Variants in C12orf76 observed in about 807,000 individuals in gnomAD.
The protein encoded by C12orf76 is chromosome 12 open reading frame 76, also known as uncharacterized protein C12orf76.
C12orf76 carries 6 observed loss-of-function variants against 6.8 expected under a neutral mutation model. The ratio of observed to expected loss-of-function variants is 0.88; its 90% CI spans 0.48 to 1.73. C12orf76 has a LOEUF of 1.73. Among genes scored for constraint, C12orf76 ranks in the 40% most tolerant of loss-of-function variants. C12orf76 has a pLI of 0.01. For synonymous variants in C12orf76, 56 were observed against 43.7 expected, an observed-to-expected ratio of 1.28 and a Z score of -1.11; for missense variants, 99 against 98.2, an observed-to-expected ratio of 1.01 and a Z score of -0.03.
rs908252070 is a variant in C12orf76, at chr12:110,048,396, G to C, written c.100C>G (p.Arg34Gly). The C allele has an allele frequency of 1.4e-5, 21 of 1,515,322 alleles. No individual in the cohort carries two copies. The highest frequency in any genetic ancestry group is 1.7e-5 in the Non-Finnish European group (19 of 1,136,884). 93.9% of individuals were successfully genotyped at this position (1,515,322 alleles called of 1,614,324 possible). ...TGCCCTCGCAGCACCGCGTACGGCC[G>C]GCTCCGCTCCAGCGGATCCACGGGG... is the stretch of plus-strand genomic sequence containing the variant. The part of the protein sequence containing the change: ...PSPVDPLERS[R>G]PYAVLRGQNL... The change falls in exon 1 of 2, where the codon CGG becomes GGG. Residue 34 changes from arginine (R) to glycine (G), a missense_variant. Physicochemically the swap from Arg to Gly is moderately radical, Grantham distance 125. Transcript: ENST00000615315.
At chr12:110,061,687 C>T (rs973493865) in intron 2 of C12orf76, among the ~76,000 whole-genome samples, 2 of 152,014 alleles carry the variant, frequency 1.3e-5, no homozygotes, top group African/African-American at 4.8e-5. Context: ...CAGGCATCTG[C>T]CCCCACGCTC....
At chr12:110,063,889 A>G (rs1437991981) in intron 2 of C12orf76, among the ~76,000 whole-genome samples, 1 of 152,104 alleles carries the variant, frequency 6.6e-6, no homozygotes, top group Non-Finnish European at 1.5e-5. Context: ...CCTGGGCAAC[A>G]TAGCAAGACT....
chr12:110,066,367 T>TAAAAAA lies in C12orf76; in HGVS notation n.207-340_207-335dup, dbSNP rs71079598. ...CTAGGTGACAAAGCAAGACTCCATC[T>TAAAAAA]AAAAAAAAAAAAAAAAAAAAAAAAA... On this transcript the variant is annotated intron_variant and non_coding_transcript_variant, in intron 1 of 4. Transcript: ENST00000309050. Among the ~76,000 whole-genome samples, 2 of 15,334 alleles carry TAAAAAA rather than the reference T, an allele frequency of 1.3e-4. 1 individual carries two copies. The highest frequency in any genetic ancestry group is 5.4e-4 in the African/African-American group (2 of 3,690). 10.1% of individuals were successfully genotyped at this position (15,334 alleles called of 152,430 possible). A position where few individuals can be genotyped will look rare whatever the true frequency, so the allele number is the denominator to read the frequency against.
chr12:110,068,332 G>GAAGAAGA (rs1566080359), upstream of C12orf76, among the ~76,000 whole-genome samples: 14 of 108,256 alleles, frequency 1.3e-4, no homozygotes, highest in East Asian at 4.8e-4. Flanking sequence ...GAAGAAGAAG[G>GAAGAAGA]CGGCCAAATA....
At chr12:110,048,240 C>A (rs1387359271) in intron 1 of C12orf76, 123 bp downstream of exon 1, 1 of 1,236,698 alleles carries the variant, frequency 8.1e-7, no homozygotes, top group Non-Finnish European at 1.1e-6. Flanking sequence ...CTCACCTGCA[C>A]CCCCCGCACT....
chr12:110,073,422 C>T (rs1325683757), exon 1 of C12orf76: 1 of 522,176 alleles, frequency 1.9e-6, no homozygotes, highest in Non-Finnish European at 3.9e-6. Context: ...TCCCACTTAC[C>T]TAACATAGGA....
At position 110,059,314 on chromosome 12, in the gene C12orf76, T is replaced by C. The variant is rs897659721; in HGVS notation, n.381-151A>G. The C allele has an allele frequency of 4.0e-6, 4 of 997,338 alleles. No individual in the cohort carries two copies. In the African/African-American group the frequency reaches 4.9e-5, roughly 12 times the overall value. The allele number at this position is 997,338 out of a possible 1,614,324, so 61.8% of individuals were successfully genotyped here. A position where few individuals can be genotyped will look rare whatever the true frequency, so the allele number is the denominator to read the frequency against. ...ATATATGGGATTGTGCCATCTGTGATTAAAGATAGTTTTACTTCATTCTTT... is the reference window on the plus strand; with the variant it reads ...ATATATGGGATTGTGCCATCTGTGACTAAAGATAGTTTTACTTCATTCTTT... On this transcript the variant is annotated intron_variant and non_coding_transcript_variant, in intron 2 of 4. Transcript: ENST00000309050.
At chr12:110,046,117 C>T (rs751540383) in intron 1 of C12orf76, among the ~76,000 whole-genome samples, 1 of 151,776 alleles carries the variant, frequency 6.6e-6, no homozygotes, top group Non-Finnish European at 1.5e-5. Flanking sequence ...GAATTGCAGG[C>T]CCAGGCAGAA....
chr12:110,065,888 T>A lies in C12orf76; in HGVS notation n.352A>T, dbSNP rs757706469. 5.0e-6 allele frequency: 8 copies of A among 1,614,034 alleles called. No individual in the cohort carries two copies. In the Admixed American group the frequency reaches 1.0e-4, roughly 20 times the overall value. ...GTTCTGGAACATGCTGTCCTTGCTG[T>A]TCCTCTTTTGTGCTTCCAGATCTTT... On this transcript the variant is annotated non_coding_transcript_exon_variant, in exon 2 of 5. Transcript: ENST00000309050.
At chr12:110,048,244 C>A in intron 1 of C12orf76, 119 bp downstream of exon 1, 1 of 1,270,924 alleles carries the variant, frequency 7.9e-7, no homozygotes, top group Non-Finnish European at 1.0e-6. Flanking sequence ...CCTGCACCCC[C>A]CGCACTCACC....
intron 2 of C12orf76, among the ~76,000 whole-genome samples, chr12:110,062,059 T>C (rs1215291091): frequency 2.0e-5 from 3 of 151,648 alleles, no homozygotes; most frequent in Non-Finnish European, 4.4e-5. Flanking sequence ...AAGTCAGGAG[T>C]TCGAGACCAG....
At chr12:110,059,192 A>G in intron 2 of C12orf76, 2 of 1,534,538 alleles carry the variant, frequency 1.3e-6, no homozygotes, top group Non-Finnish European at 1.8e-6. Context: ...CACACACACA[A>G]TTAATTTTTG....
chr12:110,062,320 A>G (rs1892784205), intron 2 of C12orf76, among the ~76,000 whole-genome samples: 1 of 152,112 alleles, frequency 6.6e-6, no homozygotes. Context: ...TAAACAACAG[A>G]ATTTACTCTG....
chr12:110,049,548 A>C (rs1371198747), upstream of C12orf76: 1 of 152,230 alleles, frequency 6.6e-6, no homozygotes, highest in Non-Finnish European at 1.5e-5. Flanking sequence ...ATTACAAAGA[A>C]CCTTCTTAAG....
chr12:110,045,998 A>T (rs1892438677), intron 1 of C12orf76: 1 of 180,080 alleles, frequency 5.6e-6, no homozygotes, highest in African/African-American at 2.4e-5. Context: ...AGGAGCTTAA[A>T]ACCATGAGTT....
In C12orf76 at chr12:110,045,961, AAATAAT is replaced by A. The variant is rs749767539; in HGVS notation, c.133+2396_133+2401del. 1.4e-4 allele frequency: 28 copies of A among 205,282 alleles called. No homozygotes were observed. In the Middle Eastern group the frequency reaches 3.8e-3, roughly 28 times the overall value. The allele number at this position is 205,282 out of a possible 1,614,324, so 12.7% of individuals were successfully genotyped here. A position where few individuals can be genotyped will look rare whatever the true frequency, so the allele number is the denominator to read the frequency against. ...GCAACAGAGTGAGACTCCATATAAA[AAATAAT>A]AATAAAAATAAAGTTTAAAAAGGAG... is the stretch of plus-strand genomic sequence containing the variant. On this transcript the variant is annotated intron_variant, in intron 1 of 1. Coordinates refer to ENST00000615315, the MANE Select transcript of C12orf76 (RefSeq NM_001389625.1).
upstream of C12orf76, among the ~76,000 whole-genome samples, chr12:110,053,671 T>G (rs557030302): frequency 1.6e-4 from 25 of 152,206 alleles, no homozygotes; most frequent in South Asian, 4.1e-4. Flanking sequence ...GAGAAACTCT[T>G]GTACATGTGC....
At position 110,041,902 on chromosome 12, in the gene C12orf76, G is replaced by C; in HGVS notation, c.*472C>G. ...ACCACTTTGCAACCAGCGCATTCTA[G>C]GCTAACTCAGGTGAGATTAAAAAAA... On this transcript the variant is annotated 3_prime_UTR_variant, in exon 2 of 2. Coordinates refer to ENST00000615315, the MANE Select transcript of C12orf76 (RefSeq NM_001389625.1). 1 of 162,776 alleles carries C rather than the reference G, an allele frequency of 6.1e-6. No individual in the cohort carries two copies. The highest frequency in any genetic ancestry group is 1.6e-4 in the South Asian group (1 of 6,176). The allele number at this position is 162,776 out of a possible 1,614,324, so 10.1% of individuals were successfully genotyped here.
At chr12:110,056,242 G>T (rs896144999) in intron 4 of C12orf76, among the ~76,000 whole-genome samples, 1 of 152,148 alleles carries the variant, frequency 6.6e-6, no homozygotes, top group South Asian at 2.1e-4. Context: ...ATACTATCCC[G>T]ACCTTGCTTG....
Sources: gnomAD v4.1 joint callset for allele counts (sites outside exome capture counted in the v4.1 genomes callset) on GRCh38, gnomAD v4.1.1 for gene constraint, MANE v1.5 for transcripts, NCBI Gene and HGNC (gene_info 2026-07-23, HGNC 2026-07-21) for gene names.